The following CADM2 variants were observed in gnomAD, a reference collection of about 807,000 sequenced individuals.
CADM2 encodes the protein cell adhesion molecule 2.
In CADM2, 12 loss-of-function variants were observed where a neutral mutation model predicts 49.8. That is an observed-to-expected ratio of 0.24 (90% CI 0.15 to 0.39). The LOEUF (loss-of-function observed/expected upper bound fraction) is 0.39. CADM2 is among the 10% of genes least tolerant of loss of function. CADM2 has a pLI of 1.00. For missense variants in CADM2, 378 were observed against 492.3 expected (o/e 0.77, Z 2.20); for synonymous variants, 214 against 175.4 (o/e 1.22, Z -1.74).
At chr3:85,770,741 G>A (rs1361294141) in intron 2 of CADM2, among the ~76,000 whole-genome samples, 1 of 152,124 alleles carries the variant, frequency 6.6e-6, no homozygotes, top group East Asian at 1.9e-4. Context: ...CACTGTAATT[G>A]TCTGGGCTAT....
At chr3:85,828,282 T>A (rs1379787836) in intron 3 of CADM2, among the ~76,000 whole-genome samples, 2 of 151,916 alleles carry the variant, frequency 1.3e-5, no homozygotes, top group East Asian at 3.9e-4. Flanking sequence ...ATAATATCAG[T>A]CGCTTCTTTG....
In CADM2 at chr3:85,214,463, C is replaced by T. The variant is rs1576135280; in HGVS notation, c.61+254795C>T. Among the ~76,000 whole-genome samples, 7 of 152,122 alleles carry T rather than the reference C, an allele frequency of 4.6e-5. 2 individuals carry two copies. Among genetic ancestry groups the T allele is most frequent in the Admixed American group, 4.6e-4 (7 of 15,274 alleles). On this transcript the variant is annotated intron_variant, in intron 1 of 9. Coordinates refer to ENST00000383699, the MANE Select transcript of CADM2 (RefSeq NM_001167675.2). The stretch of plus-strand genomic sequence containing the variant: ...GCTACTGCCTGTATTCCCTTAAGGC[C>T]CATGGACTCTGCTATCAGCATGTAG...
intron 1 of CADM2, among the ~76,000 whole-genome samples, chr3:85,183,058 A>G (rs1458168938): frequency 6.6e-6 from 1 of 152,152 alleles, no homozygotes; most frequent in Non-Finnish European, 1.5e-5. Flanking sequence ...CATAATTGCA[A>G]TTTACACAAG....
chr3:85,183,299 C>T (rs1447868137), intron 1 of CADM2, among the ~76,000 whole-genome samples: 8 of 152,022 alleles, frequency 5.3e-5, no homozygotes, highest in Admixed American at 5.3e-4. Flanking sequence ...ATTGTTAATG[C>T]CAGCAAAGAT....
intron 1 of CADM2, among the ~76,000 whole-genome samples, chr3:85,449,947 G>A (rs190727043): frequency 6.6e-6 from 1 of 152,146 alleles, no homozygotes; most frequent in East Asian, 1.9e-4. Flanking sequence ...TGGTTCCTAT[G>A]GATTAATTTT....
chr3:86,021,353 G>C (rs924601704), intron 8 of CADM2, among the ~76,000 whole-genome samples: 14 of 151,910 alleles, frequency 9.2e-5, no homozygotes, highest in African/African-American at 3.4e-4. Flanking sequence ...ACCCTTTAAT[G>C]CCATTTAATT....
At chr3:85,698,038 C>T (rs2066625120) in intron 1 of CADM2, among the ~76,000 whole-genome samples, 1 of 152,212 alleles carries the variant, frequency 6.6e-6, no homozygotes, top group Non-Finnish European at 1.5e-5. Context: ...ATTCATCATT[C>T]TTTCTCATCA....
intron 8 of CADM2, among the ~76,000 whole-genome samples, chr3:85,969,991 TCATACACTCA>T (rs1207102136): frequency 1.8e-4 from 3 of 17,010 alleles, no homozygotes; most frequent in African/African-American, 4.7e-3. Context: ...ATATATACAC[TCATACACTCA>T]CACACACACA....
At chr3:85,897,201 T>C (rs1715328627) in intron 5 of CADM2, among the ~76,000 whole-genome samples, 1 of 150,190 alleles carries the variant, frequency 6.7e-6, no homozygotes, top group Admixed American at 6.7e-5. Flanking sequence ...GCATTATTAA[T>C]GTTTCTGAGA....
chr3:85,652,126 T>G (rs2065062413), intron 1 of CADM2, among the ~76,000 whole-genome samples: 1 of 151,928 alleles, frequency 6.6e-6, no homozygotes, highest in Non-Finnish European at 1.5e-5. Flanking sequence ...CAACTAAACT[T>G]ATTTTTAATG....
intron 1 of CADM2, among the ~76,000 whole-genome samples, chr3:85,121,653 T>A (rs1366894089): frequency 6.6e-6 from 1 of 152,210 alleles, no homozygotes; most frequent in Non-Finnish European, 1.5e-5. Flanking sequence ...TATTTAGTAT[T>A]CAATACCATT....
At chr3:85,810,704 T>C (rs986058001) in intron 3 of CADM2, among the ~76,000 whole-genome samples, 2 of 151,798 alleles carry the variant, frequency 1.3e-5, no homozygotes, top group Admixed American at 1.3e-4. Flanking sequence ...CATACCTGGC[T>C]AATTTTTGTA....
At chr3:85,752,643 T>C (rs1313625909) in intron 2 of CADM2, among the ~76,000 whole-genome samples, 2 of 152,124 alleles carry the variant, frequency 1.3e-5, no homozygotes, top group African/African-American at 4.8e-5. Flanking sequence ...ATAGCCATTC[T>C]GATGCCTCCT....
intron 1 of CADM2, among the ~76,000 whole-genome samples, chr3:85,357,297 A>G (rs1320152419): frequency 6.6e-6 from 1 of 152,132 alleles, no homozygotes; most frequent in Non-Finnish European, 1.5e-5. Flanking sequence ...TCAAAGAAAA[A>G]GAATTTAATA....
At chr3:85,416,213 T>C (rs571290149) in intron 1 of CADM2, among the ~76,000 whole-genome samples, 8 of 152,254 alleles carry the variant, frequency 5.3e-5, no homozygotes, top group Admixed American at 1.3e-4. Flanking sequence ...TTCCAGAGTT[T>C]TTGATATTAG....
intron 8 of CADM2, among the ~76,000 whole-genome samples, chr3:85,991,960 A>G (rs999842849): frequency 1.3e-5 from 2 of 152,046 alleles, no homozygotes; most frequent in African/African-American, 4.8e-5. Context: ...CTTTTTCAGT[A>G]AATTAAATAA....
At chr3:85,897,696 T>G (rs1715443185) in intron 5 of CADM2, among the ~76,000 whole-genome samples, 1 of 152,340 alleles carries the variant, frequency 6.6e-6, no homozygotes, top group South Asian at 2.1e-4. Flanking sequence ...TGGTAGATTA[T>G]ATTTTTATTT....
At chr3:85,863,986 A>C (rs2108330649) in intron 3 of CADM2, among the ~76,000 whole-genome samples, 1 of 152,216 alleles carries the variant, frequency 6.6e-6, no homozygotes, top group South Asian at 2.1e-4. Flanking sequence ...GGCTGCGTGT[A>C]TTGGTTATGA....
chr3:85,158,553 A>G, intron 1 of CADM2, among the ~76,000 whole-genome samples: 1 of 152,216 alleles, frequency 6.6e-6, no homozygotes, highest in East Asian at 1.9e-4. Flanking sequence ...ACATGGATGA[A>G]ATTGGAAATC....
Sources: allele counts gnomAD v4.1 joint callset (sites outside exome capture counted in the v4.1 genomes callset), GRCh38; gene constraint gnomAD v4.1.1; transcripts MANE v1.5; gene names NCBI Gene and HGNC (gene_info 2026-07-23, HGNC 2026-07-21).